The following ZNF274 variants were observed in gnomAD, a reference collection of about 807,000 sequenced individuals.
ZNF274 encodes the protein zinc finger protein 274, also known as neurotrophin receptor-interacting factor homolog.
In ZNF274, 23 loss-of-function variants were observed where a neutral mutation model predicts 42.5. The observed-to-expected ratio is 0.54, with a 90% CI of 0.39 to 0.77. The LOEUF (loss-of-function observed/expected upper bound fraction) is 0.77. Among genes scored for constraint, ZNF274 ranks in the 30% least tolerant of loss-of-function variants. ZNF274 has a pLI of 0.00. For synonymous variants in ZNF274, 292 were observed against 305.4 expected (o/e 0.96, Z 0.46); for missense variants, 679 against 806.5 (o/e 0.84, Z 1.91).
At chr19:58,191,157 G>C (rs1323029264) in intron 4 of ZNF274, among the ~76,000 whole-genome samples, 1 of 152,140 alleles carries the variant, frequency 6.6e-6, no homozygotes, top group Non-Finnish European at 1.5e-5. Context: ...CTTGGTTTTT[G>C]AGACAGAGTC....
rs73939494 is a variant in ZNF274, at chr19:58,207,397, G to T, written c.739+195G>T. Among the ~76,000 whole-genome samples, 1 of 152,120 alleles carries T rather than the reference G, an allele frequency of 6.6e-6. No homozygotes were observed. The highest frequency in any genetic ancestry group is 2.4e-5 in the African/African-American group (1 of 41,404). Reference sequence around the variant, plus strand: ...AAACCCTTGCATTCTTTAGCCCTTCGTGGGCTTCTGATGGAAGCACACAGA... The same window carrying T: ...AAACCCTTGCATTCTTTAGCCCTTCTTGGGCTTCTGATGGAAGCACACAGA... On this transcript the variant is annotated intron_variant, in intron 5 of 7. Transcript: ENST00000617501. The surrounding 1 kb of genome is among the most constrained non-coding windows in gnomAD (Gnocchi z 5.6).
chr19:58,212,708 C>T lies in ZNF274; in HGVS notation c.1527C>T (p.Cys509=). The change falls in exon 8 of 8, where the codon TGC becomes TGT. Residue 509 remains cysteine, a synonymous_variant. Coordinates refer to ENST00000617501, the MANE Select transcript of ZNF274 (RefSeq NM_133502.3). This position sits in a 1 kb window ranked among gnomAD's most constrained non-coding sequence, Gnocchi z 4.6. ...ACAAGGGGAGCCAAGTTTGCCGATG[C>T]AGTGAATGTGGTAAAATATTCCGGA... is the stretch of plus-strand genomic sequence containing the variant. ...RIHKGSQVCR[C]SECGKIFRNP... 6.2e-7 allele frequency: 1 copy of T among 1,613,994 alleles called. No individual in the cohort carries two copies. The highest frequency in any genetic ancestry group is 8.5e-7 in the Non-Finnish European group (1 of 1,179,896).
intron 4 of ZNF274, among the ~76,000 whole-genome samples, chr19:58,205,517 T>C (rs561726884): frequency 5.9e-5 from 9 of 152,210 alleles, no homozygotes; most frequent in Non-Finnish European, 1.2e-4. Context: ...TAAACTTTTT[T>C]AGAGACAGGG....
chr19:58,205,814 C>T (rs1479240058), intron 4 of ZNF274, among the ~76,000 whole-genome samples: 1 of 152,136 alleles, frequency 6.6e-6, no homozygotes, highest in African/African-American at 2.4e-5. Flanking sequence ...CGTTCTTGTC[C>T]CCAGTGGAGG....
At position 58,208,650 on chromosome 19, in the gene ZNF274, C is replaced by T. The variant is rs1338795163; in HGVS notation, c.740-1311C>T. On this transcript the variant is annotated intron_variant, in intron 5 of 7. Transcript: ENST00000617501. The surrounding 1 kb of genome is among the most constrained non-coding windows in gnomAD (Gnocchi z 4.5). ...CTGGAAAAGGCAAGGAATGGATTCT[C>T]CCTTGGAGCCTCCAAAAGGAACATA... is the stretch of plus-strand genomic sequence containing the variant. The T allele has an allele frequency of 6.6e-6, 1 of 152,222 alleles. No individual in the cohort carries two copies. The highest frequency in any genetic ancestry group is 1.5e-5 in the Non-Finnish European group (1 of 68,060). 9.4% of individuals were successfully genotyped at this position (152,222 alleles called of 1,614,324 possible).
chr19:58,197,778 G>A (rs1056603986), intron 4 of ZNF274, among the ~76,000 whole-genome samples: 10 of 152,234 alleles, frequency 6.6e-5, no homozygotes, highest in Non-Finnish European at 1.3e-4. Context: ...CAACTAGGTT[G>A]AGTCTGGAAT....
At chr19:58,203,579 CAAAAAAAAAA>C (rs34444681) in intron 4 of ZNF274, among the ~76,000 whole-genome samples, 49 of 80,308 alleles carry the variant, frequency 6.1e-4, no homozygotes, top group Admixed American at 1.8e-3. Context: ...AACTCCGTCT[CAAAAAAAAAA>C]AAAAAAAGAA....
At chr19:58,190,198 T>C (rs1224177581) in intron 4 of ZNF274, among the ~76,000 whole-genome samples, 1 of 148,862 alleles carries the variant, frequency 6.7e-6, no homozygotes, top group Non-Finnish European at 1.5e-5. Flanking sequence ...CCACCCAGGC[T>C]GTAGGGCAGT....
chr19:58,188,803 C>T (rs1484200454), intron 4 of ZNF274, among the ~76,000 whole-genome samples: 2 of 147,352 alleles, frequency 1.4e-5, no homozygotes, highest in Admixed American at 6.8e-5. Flanking sequence ...AGTAGGATTG[C>T]TTGAGGCTAG....
chr19:58,203,806 G>A (rs976492935), intron 4 of ZNF274, among the ~76,000 whole-genome samples: 25 of 152,216 alleles, frequency 1.6e-4, no homozygotes, highest in Admixed American at 1.1e-3. Flanking sequence ...GGAATTAGGT[G>A]CACAAGTGTG....
intron 1 of ZNF274, 70 bp from the exon 2 acceptor site, chr19:58,183,851 C>T: frequency 9.3e-7 from 1 of 1,077,886 alleles, no homozygotes. Context: ...CGTTCCTGGG[C>T]GGAGGCTGCG....
At chr19:58,202,761 A>G (rs576837290) in intron 4 of ZNF274, among the ~76,000 whole-genome samples, 10 of 152,246 alleles carry the variant, frequency 6.6e-5, no homozygotes, top group African/African-American at 2.4e-4. Flanking sequence ...ATTGCCCTAA[A>G]GGTCTTGGGA....
rs1198825236 is a variant in ZNF274, at chr19:58,190,143, ATCTC to A, written c.256+3107_256+3110del. Among the ~76,000 whole-genome samples the A allele has an allele frequency of 3.4e-5, 5 of 145,846 alleles. No homozygotes were observed. In the South Asian group the frequency reaches 8.7e-4, roughly 25 times the overall value. On this transcript the variant is annotated intron_variant, in intron 4 of 7. Coordinates refer to ENST00000617501, the MANE Select transcript of ZNF274 (RefSeq NM_133502.3). ...ATCTCAAAAAAAAAAAAAAAAATTTATCTCTCTCTTTTTTTTTTTTTTTTTGAGA... is the reference window on the plus strand; with the variant it reads ...ATCTCAAAAAAAAAAAAAAAAATTTATCTCTTTTTTTTTTTTTTTTTGAGA...
In ZNF274 at chr19:58,207,221, A is replaced by G; in HGVS notation, c.739+19A>G. The G allele has an allele frequency of 6.3e-7, 1 of 1,596,052 alleles. No individual in the cohort carries two copies. On this transcript the variant is annotated intron_variant, in intron 5 of 7. Coordinates refer to ENST00000617501, the MANE Select transcript of ZNF274 (RefSeq NM_133502.3). This position sits in a 1 kb window ranked among gnomAD's most constrained non-coding sequence, Gnocchi z 5.6. ...GAGGAAGGTAAGTAGAAGGGTGGGTAGAGGGACAGCTTAATGAGGGTGTCT... is the reference window on the plus strand; with the variant it reads ...GAGGAAGGTAAGTAGAAGGGTGGGTGGAGGGACAGCTTAATGAGGGTGTCT...
chr19:58,188,676 GTATATA>G (rs1250346912), intron 4 of ZNF274, among the ~76,000 whole-genome samples: 1 of 79,772 alleles, frequency 1.3e-5, no homozygotes, highest in Non-Finnish European at 2.5e-5. Context: ...GTGTGTGTGT[GTATATA>G]TATATGTATA....
intron 4 of ZNF274, among the ~76,000 whole-genome samples, chr19:58,198,348 T>C (rs1053535249): frequency 6.6e-5 from 10 of 152,226 alleles, no homozygotes; most frequent in African/African-American, 2.4e-4. Context: ...TATGTATTGA[T>C]TTGAAACCAC....
At chr19:58,202,683 C>T (rs1415093584) in intron 4 of ZNF274, among the ~76,000 whole-genome samples, 1 of 152,188 alleles carries the variant, frequency 6.6e-6, no homozygotes, top group Non-Finnish European at 1.5e-5. Flanking sequence ...TGGTGGTGAA[C>T]TTAAGAGCTT....
chr19:58,189,253 AAT>A (rs1316636526), intron 4 of ZNF274, among the ~76,000 whole-genome samples: 4 of 151,958 alleles, frequency 2.6e-5, no homozygotes, highest in African/African-American at 9.7e-5. Flanking sequence ...TTTCTTTTCA[AAT>A]ATGTCTTTGT....
At position 58,207,393 on chromosome 19, in the gene ZNF274, C is replaced by T. The variant is rs1362466928; in HGVS notation, c.739+191C>T. On this transcript the variant is annotated intron_variant, in intron 5 of 7. Coordinates refer to ENST00000617501, the MANE Select transcript of ZNF274 (RefSeq NM_133502.3). This position sits in a 1 kb window ranked among gnomAD's most constrained non-coding sequence, Gnocchi z 5.6. ...ACTGAAACCCTTGCATTCTTTAGCCCTTCGTGGGCTTCTGATGGAAGCACA... is the reference window on the plus strand; with the variant it reads ...ACTGAAACCCTTGCATTCTTTAGCCTTTCGTGGGCTTCTGATGGAAGCACA... 1.3e-5 allele frequency among the ~76,000 whole-genome samples: 2 copies of T among 152,180 alleles called. No homozygotes were observed.
Sources: allele counts gnomAD v4.1 joint callset (sites outside exome capture counted in the v4.1 genomes callset), GRCh38; gene constraint gnomAD v4.1.1; non-coding constraint Gnocchi (gnomAD v3.1); transcripts MANE v1.5; gene names NCBI Gene and HGNC (gene_info 2026-07-23, HGNC 2026-07-21).